ADGRD1: variants seen among roughly 807,000 people sequenced by gnomAD.
ADGRD1 encodes the protein G-protein coupled receptor 133.
In ADGRD1, 77 loss-of-function variants were observed where a neutral mutation model predicts 113.4. The observed-to-expected ratio is 0.68, with a 90% confidence interval of 0.57 to 0.82. The LOEUF is 0.82. Among genes scored for constraint, ADGRD1 ranks in the 40% least tolerant of loss-of-function variants. The pLI is 0.00. For missense variants in ADGRD1, 1,036 were observed against 1,139.1 expected, an observed-to-expected ratio of 0.91 and a Z score of 1.30; for synonymous variants, 474 against 475.0, an observed-to-expected ratio of 1.00 and a Z score of 0.03.
In ADGRD1 at chr12:131,084,102, C is replaced by T. The variant is rs901514101; in HGVS notation, c.1548-438C>T. 3.3e-5 allele frequency among the ~76,000 whole-genome samples: 5 copies of T among 152,184 alleles called. No homozygotes were observed. The highest frequency in any genetic ancestry group is 6.5e-5 in the Admixed American group (1 of 15,280). ...TTCTCTCTCCCACACTGCACTCACC[C>T]GTTTCCCCCGATGGGCATTTATGTT... On this transcript the variant is annotated intron_variant, in intron 14 of 24. Transcript: ENST00000261654. The surrounding 1 kb of genome is among the most constrained non-coding windows in gnomAD (Gnocchi z 4.5).
intron 8 of ADGRD1, among the ~76,000 whole-genome samples, chr12:130,999,809 G>A (rs540102075): frequency 2.2e-4 from 34 of 152,244 alleles, no homozygotes; most frequent in Admixed American, 6.5e-4. Context: ...TTTTTAAAAC[G>A]AAGTAGAAAA....
At chr12:131,020,492 G>T (rs557536612) in intron 13 of ADGRD1, among the ~76,000 whole-genome samples, 2 of 152,372 alleles carry the variant, frequency 1.3e-5, no homozygotes, top group East Asian at 3.9e-4. Flanking sequence ...CTCACACGCA[G>T]TGGGGCACTG....
chr12:131,004,110 C>T (rs529268071), intron 10 of ADGRD1, 76 bp from the exon 11 acceptor site: 23 of 854,110 alleles, frequency 2.7e-5, no homozygotes, highest in African/African-American at 8.4e-5. Context: ...GAAAAGCAGA[C>T]GGGGTTTTGC....
intron 11 of ADGRD1, among the ~76,000 whole-genome samples, 157 bp downstream of exon 11, chr12:131,004,453 G>A (rs1314354005): frequency 6.6e-6 from 1 of 152,216 alleles, no homozygotes. Context: ...TGTCCTGCAG[G>A]AGAGGGACTG....
intron 20 of ADGRD1, chr12:131,121,938 G>C (rs1950605997): frequency 6.6e-6 from 1 of 152,500 alleles, no homozygotes; most frequent in Non-Finnish European, 1.5e-5. Flanking sequence ...ATGTTGGTCA[G>C]GGCTGCCTCC....
intron 20 of ADGRD1, among the ~76,000 whole-genome samples, chr12:131,125,329 G>C (rs564203684): frequency 6.6e-6 from 1 of 152,270 alleles, no homozygotes; most frequent in African/African-American, 2.4e-5. Context: ...GATGTCAGGG[G>C]CACTTTAGCC....
chr12:131,105,145 C>T (rs115349458), intron 16 of ADGRD1, among the ~76,000 whole-genome samples: 1,901 of 152,336 alleles, frequency 0.012, 39 homozygotes, highest in African/African-American at 0.042. Flanking sequence ...CCTGGGGACA[C>T]CTCAGCCCTG....
At chr12:131,002,061 C>T (rs1189167653) in intron 9 of ADGRD1, among the ~76,000 whole-genome samples, 1 of 152,156 alleles carries the variant, frequency 6.6e-6, no homozygotes, top group Non-Finnish European at 1.5e-5. Flanking sequence ...GAAAACAATT[C>T]CTTTTTAAAA....
At position 131,084,454 on chromosome 12, in the gene ADGRD1, A is replaced by G. The variant is rs1156291532; in HGVS notation, c.1548-86A>G. The G allele has an allele frequency of 2.7e-6, 4 of 1,456,558 alleles. No individual in the cohort carries two copies. Among genetic ancestry groups the G allele is most frequent in the Non-Finnish European group, 3.8e-6 (4 of 1,045,234 alleles). 90.2% of individuals were successfully genotyped at this position (1,456,558 alleles called of 1,614,324 possible). ...GGCGCCGCCATGAGTTCACGGGGCC[A>G]TGTGTTATGGGGGGTGCTGCTCTCA... is the stretch of plus-strand genomic sequence containing the variant. On this transcript the variant is annotated intron_variant, in intron 14 of 24. Coordinates refer to ENST00000261654, the MANE Select transcript of ADGRD1 (RefSeq NM_198827.5). This position sits in a 1 kb window ranked among gnomAD's most constrained non-coding sequence, Gnocchi z 4.5.
intron 8 of ADGRD1, among the ~76,000 whole-genome samples, chr12:130,998,858 G>C (rs573808693): frequency 1.3e-5 from 2 of 152,306 alleles, no homozygotes; most frequent in South Asian, 4.1e-4. Context: ...GTACTGTACC[G>C]TGAGGCAGTG....
rs1351613611 is a variant in ADGRD1 at position 131,057,941 on chromosome 12, T to C, written c.1474-18860T>C. ...CGTGCTCATCTCGCTTCTTTCTTGT[T>C]CATGTTTTTCCTTGTCTATGCACCA... is the stretch of plus-strand genomic sequence containing the variant. On this transcript the variant is annotated intron_variant, in intron 13 of 24. Transcript: ENST00000261654. The surrounding 1 kb of genome is among the most constrained non-coding windows in gnomAD (Gnocchi z 4.2). Among the ~76,000 whole-genome samples, 1 of 152,232 alleles carries C rather than the reference T, an allele frequency of 6.6e-6. No homozygotes were observed. The highest frequency in any genetic ancestry group is 1.5e-5 in the Non-Finnish European group (1 of 68,044).
In ADGRD1 at chr12:131,003,173, G is replaced by C. The variant is rs1402539821; in HGVS notation, c.1027-12G>C. 10 of 1,599,566 alleles carry C rather than the reference G, an allele frequency of 6.3e-6. 1 individual carries two copies. Among genetic ancestry groups the C allele is most frequent in the Non-Finnish European group, 8.6e-6 (10 of 1,167,024 alleles). ...TGGATTTTCATGGCTCCTGGTGCTT[G>C]TGTTGCTGCAGGACAGCGCCGTGGT... On this transcript the variant is annotated splice_polypyrimidine_tract_variant and intron_variant, in intron 9 of 24. Transcript: ENST00000261654. The surrounding 1 kb of genome is among the most constrained non-coding windows in gnomAD (Gnocchi z 4.8).
chr12:130,997,531 A>G (rs1191311827), intron 8 of ADGRD1, among the ~76,000 whole-genome samples: 2 of 147,018 alleles, frequency 1.4e-5, no homozygotes, highest in Non-Finnish European at 3.0e-5. Flanking sequence ...AGATGGGGTC[A>G]CAGCCGAGCA....
At chr12:131,098,402 T>C (rs1949993500) in intron 15 of ADGRD1, among the ~76,000 whole-genome samples, 1 of 151,580 alleles carries the variant, frequency 6.6e-6, no homozygotes, top group Admixed American at 6.6e-5. Flanking sequence ...TCAGGCGCTA[T>C]GGAGGGGGTG....
At chr12:131,052,715 T>C (rs1566067835) in intron 13 of ADGRD1, among the ~76,000 whole-genome samples, 1 of 152,200 alleles carries the variant, frequency 6.6e-6, no homozygotes, top group Non-Finnish European at 1.5e-5. Flanking sequence ...GAGTAGCTTC[T>C]GAGTAGCCAA....
At chr12:131,124,894 G>A (rs1477141734) in intron 20 of ADGRD1, among the ~76,000 whole-genome samples, 1 of 152,176 alleles carries the variant, frequency 6.6e-6, no homozygotes, top group Non-Finnish European at 1.5e-5. Flanking sequence ...TAGGGCTGCT[G>A]TAACACGGGA....
intron 3 of ADGRD1, chr12:130,968,657 A>G (rs1337644017): frequency 3.1e-6 from 1 of 326,288 alleles, no homozygotes; most frequent in African/African-American, 2.2e-5. Flanking sequence ...TGAGTGGCCA[A>G]GTTCAATTTC....
rs866847296 is a variant in ADGRD1, at chr12:131,071,837, G to A, written c.1474-4964G>A. 9.2e-5 allele frequency among the ~76,000 whole-genome samples: 14 copies of A among 151,700 alleles called. No individual in the cohort carries two copies. The Middle Eastern group carries it at 0.017, about 184-fold the overall frequency. On this transcript the variant is annotated intron_variant, in intron 13 of 24. Coordinates refer to ENST00000261654, the MANE Select transcript of ADGRD1 (RefSeq NM_198827.5). The stretch of plus-strand genomic sequence containing the variant: ...CTTCTGGTGGCTTCTGGTCCACGCT[G>A]TACCCTCCTCTGTGGGCTCCGTCTC...
chr12:131,090,489 C>G (rs1346539803), intron 15 of ADGRD1, among the ~76,000 whole-genome samples: 1 of 152,188 alleles, frequency 6.6e-6, no homozygotes. Context: ...ATCCAGCCTC[C>G]TCCTTGGCGG....
Sources: allele counts gnomAD v4.1 joint callset (sites outside exome capture counted in the v4.1 genomes callset), GRCh38; gene constraint gnomAD v4.1.1; non-coding constraint Gnocchi (gnomAD v3.1); transcripts MANE v1.5; gene names NCBI Gene and HGNC (gene_info 2026-07-23, HGNC 2026-07-21).